The following SCRG1 variants were observed in gnomAD, a reference collection of about 807,000 sequenced individuals.
The protein encoded by SCRG1 is stimulator of chondrogenesis 1.
A neutral mutation model predicts 7.7 loss-of-function variants in SCRG1; 3 were observed. The observed-to-expected ratio is 0.39, with a 90% CI of 0.18 to 1.01. SCRG1 has a LOEUF of 1.01. Ranked by LOEUF, SCRG1 falls within the 50% of genes least tolerant of loss-of-function variation. The pLI is 0.36. For synonymous variants in SCRG1, 46 were observed against 41.2 expected (o/e 1.12, Z -0.44); for missense variants, 110 against 117.2 (o/e 0.94, Z 0.28).
chr4:173,495,170 T>G, the SCRG1 span, among the ~76,000 whole-genome samples: 1 of 152,246 alleles, frequency 6.6e-6, no homozygotes, highest in Admixed American at 6.5e-5. Flanking sequence ...TGTATTATTG[T>G]TTTATTATTA....
chr4:173,472,404 G>T, the SCRG1 span, among the ~76,000 whole-genome samples: 1 of 152,212 alleles, frequency 6.6e-6, no homozygotes, highest in African/African-American at 2.4e-5. Context: ...AACTAATAAA[G>T]TATAGGAAGG....
the SCRG1 span, among the ~76,000 whole-genome samples, chr4:173,505,443 T>G: frequency 6.6e-6 from 1 of 152,122 alleles, no homozygotes; most frequent in African/African-American, 2.4e-5. This position sits in a 1 kb window ranked among gnomAD's most constrained non-coding sequence, Gnocchi z 4.4. Flanking sequence ...AGTACAAGAT[T>G]CTTCTTGCTC....
chr4:173,501,973 A>T, the SCRG1 span, among the ~76,000 whole-genome samples: 44 of 152,308 alleles, frequency 2.9e-4, no homozygotes, highest in African/African-American at 1.1e-3. The surrounding 1 kb of genome is among the most constrained non-coding windows in gnomAD (Gnocchi z 5.1). Flanking sequence ...GGGGGATACA[A>T]GACCACGGAA....
chr4:173,496,874 A>G, the SCRG1 span, among the ~76,000 whole-genome samples: 13 of 152,294 alleles, frequency 8.5e-5, no homozygotes, highest in South Asian at 1.5e-3. Context: ...TGGGAGGCTG[A>G]GGCAGGCGGA....
the SCRG1 span, among the ~76,000 whole-genome samples, chr4:173,503,217 G>C: frequency 6.6e-6 from 1 of 152,234 alleles, no homozygotes; most frequent in Non-Finnish European, 1.5e-5. This position sits in a 1 kb window ranked among gnomAD's most constrained non-coding sequence, Gnocchi z 6.4. Flanking sequence ...ACTGGCAGCA[G>C]GTGGGCAGGA....
At chr4:173,484,429 TTATATACATATGATATATAA>T in the SCRG1 span, among the ~76,000 whole-genome samples, 6 of 67,648 alleles carry the variant, frequency 8.9e-5, 1 homozygote, top group African/African-American at 3.3e-4. Flanking sequence ...ATATTATATA[TTATATACATATGATATATAA>T]TATATATTAT....
the SCRG1 span, among the ~76,000 whole-genome samples, chr4:173,452,320 C>A: frequency 6.6e-6 from 1 of 152,132 alleles, no homozygotes; most frequent in African/African-American, 2.4e-5. Flanking sequence ...AGGTCTTCAT[C>A]CTCTTTATTT....
chr4:173,450,512 C>T, the SCRG1 span, among the ~76,000 whole-genome samples: 1 of 152,142 alleles, frequency 6.6e-6, no homozygotes, highest in Non-Finnish European at 1.5e-5. Context: ...AGAGCATGGG[C>T]AGCATTGGGA....
chr4:173,491,215 CTCT>C, the SCRG1 span, among the ~76,000 whole-genome samples: 27 of 133,026 alleles, frequency 2.0e-4, no homozygotes, highest in Non-Finnish European at 3.7e-4. Flanking sequence ...CTCTCTCTCT[CTCT>C]TTTTTTTTTT....
chr4:173,445,373 G>T, the SCRG1 span, among the ~76,000 whole-genome samples: 1 of 151,924 alleles, frequency 6.6e-6, no homozygotes, highest in Admixed American at 6.6e-5. Flanking sequence ...ACAAGGTCAG[G>T]AGTTCAAGAC....
the SCRG1 span, among the ~76,000 whole-genome samples, chr4:173,474,736 T>C: frequency 7.2e-5 from 11 of 152,340 alleles, no homozygotes; most frequent in African/African-American, 2.6e-4. Flanking sequence ...AAGAGTTGTA[T>C]TTATCATTAC....
chr4:173,430,270 A>T, the SCRG1 span, among the ~76,000 whole-genome samples: 2 of 152,184 alleles, frequency 1.3e-5, no homozygotes, highest in Admixed American at 1.3e-4. Context: ...CCTGAACCCT[A>T]GGCTGCTCTC....
the SCRG1 span, among the ~76,000 whole-genome samples, chr4:173,485,386 C>G: frequency 6.7e-6 from 1 of 149,690 alleles, no homozygotes; most frequent in African/African-American, 2.5e-5. Context: ...GCCCAGCTGA[C>G]AGCCAACAAC....
At chr4:173,488,722 A>G in the SCRG1 span, among the ~76,000 whole-genome samples, 1 of 152,208 alleles carries the variant, frequency 6.6e-6, no homozygotes, top group Non-Finnish European at 1.5e-5. Flanking sequence ...GTTTTGCAAT[A>G]TGGTTTCATC....
At chr4:173,406,950 G>A (rs934873520), upstream of SCRG1, among the ~76,000 whole-genome samples, 4 of 152,204 alleles carry the variant, frequency 2.6e-5, no homozygotes, top group Admixed American at 1.3e-4. Flanking sequence ...GCTCACGCCT[G>A]TAATCTCAGC....
At chr4:173,408,991 CAAAAA>C (rs991902394), upstream of SCRG1, among the ~76,000 whole-genome samples, 1 of 51,262 alleles carries the variant, frequency 2.0e-5, no homozygotes, top group Non-Finnish European at 4.5e-5. Flanking sequence ...GACTCAGTCT[CAAAAA>C]AAAAAAAAAA....
At chr4:173,482,037 T>C in the SCRG1 span, among the ~76,000 whole-genome samples, 32 of 152,288 alleles carry the variant, frequency 2.1e-4, 1 homozygote, top group East Asian at 1.7e-3. Context: ...AATATTTATA[T>C]TTTACTGTAT....
the SCRG1 span, among the ~76,000 whole-genome samples, chr4:173,485,590 C>T: frequency 1.3e-5 from 2 of 151,986 alleles, no homozygotes; most frequent in Non-Finnish European, 2.9e-5. Flanking sequence ...TTTGTTATAC[C>T]ATACTATCTA....
chr4:173,463,783 T>C, the SCRG1 span, among the ~76,000 whole-genome samples: 3 of 152,154 alleles, frequency 2.0e-5, no homozygotes, highest in Admixed American at 1.3e-4. Context: ...GAAATACCAG[T>C]GACAATGAAC....
Sources: gnomAD v4.1 joint callset for allele counts (sites outside exome capture counted in the v4.1 genomes callset) on GRCh38, gnomAD v4.1.1 for gene constraint, Gnocchi (gnomAD v3.1) non-coding constraint, MANE v1.5 for transcripts, NCBI Gene and HGNC (gene_info 2026-07-23, HGNC 2026-07-21) for gene names.